Variants in CFAP300 observed in about 807,000 individuals in gnomAD.
CFAP300 encodes cilia and flagella associated protein 300.
CFAP300 carries 32 observed loss-of-function variants against 33.0 expected under a neutral mutation model. The observed-to-expected ratio is 0.97, with a 90% CI of 0.73 to 1.30. The LOEUF (loss-of-function observed/expected upper bound fraction) is 1.30. Ranked by LOEUF, CFAP300 falls within the 50% of genes most tolerant of loss-of-function variation. The pLI, the probability that CFAP300 is intolerant of heterozygous loss-of-function variation, is 0.00. For synonymous variants in CFAP300, 102 were observed against 106.8 expected (o/e 0.95, Z 0.28); for missense variants, 356 against 318.1 (o/e 1.12, Z -0.90).
chr11:102,072,235 ACT>A lies in CFAP300; in HGVS notation c.436-3635_436-3634del, dbSNP rs1253655772. ...AAAAGACCTGTCTTCAAGTTCTGAA[ACT>A]CTTTCTTTGGCTTTATGTAGTCTAT... On this transcript the variant is annotated intron_variant, in intron 4 of 6. Coordinates refer to ENST00000434758, the MANE Select transcript of CFAP300 (RefSeq NM_032930.3). Among the ~76,000 whole-genome samples the A allele has an allele frequency of 6.7e-5, 10 of 148,420 alleles. No homozygotes were observed. The South Asian group carries it at 1.9e-3, about 28-fold the overall frequency.
chr11:102,075,780 TA>T (rs2135046750), intron 4 of CFAP300, 92 bp from the exon 5 acceptor site: 1 of 982,358 alleles, frequency 1.0e-6, no homozygotes, highest in Non-Finnish European at 1.5e-6. Flanking sequence ...AAAATAGGTG[TA>T]AGATTATTTT....
At chr11:102,077,522 A>T (rs1259956490) in intron 5 of CFAP300, among the ~76,000 whole-genome samples, 1 of 152,180 alleles carries the variant, frequency 6.6e-6, no homozygotes, top group African/African-American at 2.4e-5. Context: ...TTTCTTCCTC[A>T]TCCATTATAA....
chr11:102,054,226 T>C (rs1337533159), intron 2 of CFAP300, among the ~76,000 whole-genome samples: 1 of 152,224 alleles, frequency 6.6e-6, no homozygotes, highest in African/African-American at 2.4e-5. Context: ...TGAACATTTT[T>C]TCCCAATGCC....
intron 2 of CFAP300, among the ~76,000 whole-genome samples, chr11:102,053,777 G>C (rs1591314259): frequency 6.6e-6 from 1 of 152,266 alleles, no homozygotes; most frequent in Non-Finnish European, 1.5e-5. Context: ...TCAAAATACT[G>C]ATCAAGATCT....
intron 6 of CFAP300, among the ~76,000 whole-genome samples, chr11:102,082,568 T>C (rs569839418): frequency 6.6e-6 from 1 of 152,330 alleles, no homozygotes; most frequent in East Asian, 1.9e-4. Context: ...TAGTAGACTG[T>C]GCTGTCCATA....
At chr11:102,080,178 G>A (rs1241738770) in intron 5 of CFAP300, among the ~76,000 whole-genome samples, 1 of 151,774 alleles carries the variant, frequency 6.6e-6, no homozygotes, top group African/African-American at 2.4e-5. Flanking sequence ...AAACTGTAAG[G>A]CATTATAAAT....
chr11:102,053,961 C>T (rs954543639), intron 2 of CFAP300, among the ~76,000 whole-genome samples: 3 of 152,150 alleles, frequency 2.0e-5, no homozygotes, highest in Admixed American at 2.0e-4. Context: ...ATTTTCTCTC[C>T]CTTAAAAAAT....
In CFAP300 at chr11:102,075,889, A is replaced by G; in HGVS notation, c.452A>G (p.Asp151Gly). 5 of 1,611,396 alleles carry G rather than the reference A, an allele frequency of 3.1e-6. No homozygotes were observed. The highest frequency in any genetic ancestry group is 4.2e-6 in the Non-Finnish European group (5 of 1,179,054). Residue 151 changes from aspartate (D) to glycine (G), a missense_variant, in exon 5 of 7, where the codon GAC becomes GGC. Coordinates refer to ENST00000434758, the MANE Select transcript of CFAP300 (RefSeq NM_032930.3). The stretch of plus-strand genomic sequence containing the variant: ...TCGTCTTAGGTTTTGCTAGTGGAAG[A>G]CTCAGAAAAATATGAAATATTCAGC... ...DELRRVLLVE[D>G]SEKYEIFSQP...
chr11:102,057,494 T>C (rs10791555), intron 2 of CFAP300, among the ~76,000 whole-genome samples: 65,135 of 151,714 alleles, frequency 0.43, 14,223 homozygotes, highest in East Asian at 0.67. Context: ...TTTTAACATA[T>C]GTGTTGCAAA....
At position 102,068,712 on chromosome 11, in the gene CFAP300, G is replaced by A. The variant is rs570160301; in HGVS notation, c.435+2061G>A. ...TGAGGCACAAGAATTCCTTGAACCC[G>A]GGAGGCAGAGATTGCGGTGAGCTGA... On this transcript the variant is annotated intron_variant, in intron 4 of 6. Transcript: ENST00000434758. Among the ~76,000 whole-genome samples the A allele has an allele frequency of 1.6e-4, 25 of 152,222 alleles. No individual in the cohort carries two copies. In the East Asian group the frequency reaches 2.1e-3, roughly 13 times the overall value.
intron 4 of CFAP300, among the ~76,000 whole-genome samples, chr11:102,075,383 G>A (rs1387692547): frequency 1.3e-5 from 2 of 152,140 alleles, no homozygotes; most frequent in Non-Finnish European, 2.9e-5. Flanking sequence ...TGGATATGAG[G>A]CTCCAGCACC....
rs966773844 is a variant in CFAP300 at position 102,047,547 on chromosome 11, G to C, written c.77G>C (p.Ser26Thr). Residue 26 changes from serine to threonine, a missense_variant, in exon 1 of 7, where the codon AGC becomes ACC. Ser to Thr is a moderately conservative substitution (Grantham distance 58). Coordinates refer to ENST00000434758, the MANE Select transcript of CFAP300 (RefSeq NM_032930.3). Reference sequence around the variant, plus strand: ...CCTCAGAAAACCTTCCAGTCTCTGAGCTCTAAGGAGATCACCAGCCGGCTC... The same window carrying C: ...CCTCAGAAAACCTTCCAGTCTCTGACCTCTAAGGAGATCACCAGCCGGCTC... ...FLPQKTFQSLSSKEITSRLRQ... is the reference protein window; with the variant it reads ...FLPQKTFQSLTSKEITSRLRQ... The C allele has an allele frequency of 2.1e-5, 32 of 1,535,900 alleles. No homozygotes were observed. Among genetic ancestry groups the C allele is most frequent in the Non-Finnish European group, 2.6e-5 (30 of 1,146,814 alleles).
chr11:102,066,554 G>A lies in CFAP300; in HGVS notation c.338G>A (p.Arg113Gln), dbSNP rs187870911. Residue 113 changes from arginine to glutamine, a missense_variant, in exon 4 of 7, where the codon CGG (arginine) becomes CAG (glutamine). By Grantham distance (43) the Arg-to-Gln change is conservative. Coordinates refer to ENST00000434758, the MANE Select transcript of CFAP300 (RefSeq NM_032930.3). ...CTQLSMSFFH[R>Q]LYDEDIVRDS... ...CAGCTTTCAATGTCATTTTTTCATC[G>A]GTTATATGATGAAGATATTGTACGA... The A allele has an allele frequency of 9.3e-6, 15 of 1,609,968 alleles. No homozygotes were observed. In the South Asian group the frequency reaches 1.2e-4, roughly 13 times the overall value.
chr11:102,074,937 C>A (rs1056534488), intron 4 of CFAP300, among the ~76,000 whole-genome samples: 7 of 151,742 alleles, frequency 4.6e-5, no homozygotes, highest in Admixed American at 1.3e-4. Flanking sequence ...AAGCTCCTGG[C>A]CTCAAGCGAT....
intron 5 of CFAP300, among the ~76,000 whole-genome samples, chr11:102,080,036 C>T (rs1942451470): frequency 6.6e-6 from 1 of 152,048 alleles, no homozygotes; most frequent in Non-Finnish European, 1.5e-5. Flanking sequence ...AATCCCAGGA[C>T]TTTGGGAGGC....
At chr11:102,055,675 T>TC (rs1942043345) in intron 2 of CFAP300, among the ~76,000 whole-genome samples, 1 of 143,656 alleles carries the variant, frequency 7.0e-6, no homozygotes. Context: ...ACTACCCTTT[T>TC]TTTTTTTTTT....
At chr11:102,056,652 C>T (rs1334389416) in intron 2 of CFAP300, among the ~76,000 whole-genome samples, 1 of 151,924 alleles carries the variant, frequency 6.6e-6, no homozygotes, top group Non-Finnish European at 1.5e-5. Context: ...TTAAGATAGT[C>T]TCACTCTGTT....
At chr11:102,081,175 C>G (rs373305765) in intron 5 of CFAP300, 40 bp from the exon 6 acceptor site, 49 of 1,431,994 alleles carry the variant, frequency 3.4e-5, no homozygotes, top group Non-Finnish European at 4.5e-5. Flanking sequence ...TATGCCAATG[C>G]CTATTATATG....
intron 4 of CFAP300, among the ~76,000 whole-genome samples, chr11:102,071,676 T>C (rs745558665): frequency 2.0e-5 from 3 of 152,180 alleles, no homozygotes; most frequent in Non-Finnish European, 4.4e-5. Context: ...TTTTGGCTTG[T>C]CTAGGAAATA....
Sources: allele counts gnomAD v4.1 joint callset (sites outside exome capture counted in the v4.1 genomes callset), GRCh38; gene constraint gnomAD v4.1.1; transcripts MANE v1.5; gene names NCBI Gene and HGNC (gene_info 2026-07-23, HGNC 2026-07-21).